MSN: variants seen among roughly 807,000 people sequenced by gnomAD.
The protein encoded by MSN is moesin.
Under a neutral mutation model 48.0 loss-of-function variants are expected in MSN, and 2 were observed. The observed-to-expected ratio is 0.04, with a 90% confidence interval of 0.02 to 0.13. The LOEUF is 0.13. MSN is among the 10% of genes least tolerant of loss of function. The probability of loss-of-function intolerance (pLI) is 1.00; values close to 1 mark genes in which losing one functional copy is unlikely to be tolerated. For missense variants in MSN, 267 were observed against 470.1 expected, an observed-to-expected ratio of 0.57 and a Z score of 3.99; for synonymous variants, 146 against 166.9, an observed-to-expected ratio of 0.87 and a Z score of 0.97.
At chrX:65,603,896 TCA>T (rs1310150391) in intron 1 of MSN, among the ~76,000 whole-genome samples, 1 of 112,085 alleles carries the variant, frequency 8.9e-6, no homozygotes, top group African/African-American at 3.3e-5. Context: ...AACGTGGTAG[TCA>T]CAGTCAAGAG....
chrX:65,711,505 C>A (rs954950560), intron 1 of MSN, among the ~76,000 whole-genome samples: 1 of 112,474 alleles, frequency 8.9e-6, no homozygotes, highest in African/African-American at 3.2e-5. Flanking sequence ...CCCTAACATA[C>A]ATATTTTTAT....
Position 65,680,852 on chromosome X carries a change from G to A in MSN, c.12+12999G>A, listed in dbSNP as rs1602786050. On this transcript the variant is annotated intron_variant, in intron 1 of 12. Transcript: ENST00000360270. ...CAACCTCCACCTCCTGGGTTCAAGC[G>A]ATTCTTGTGCCTCAGCCTCCCTAGC... 2.7e-5 allele frequency among the ~76,000 whole-genome samples: 3 copies of A among 111,233 alleles called. No homozygotes were observed. In the South Asian group the frequency reaches 1.1e-3, roughly 42 times the overall value.
At chrX:65,602,486 G>GCTCTCCAGCTCCA (rs111700081) in intron 1 of MSN, among the ~76,000 whole-genome samples, 15 of 108,594 alleles carry the variant, frequency 1.4e-4, no homozygotes, top group Non-Finnish European at 2.3e-4. Context: ...ATGGAGGAAT[G>GCTCTCCAGCTCCA]CTCTCCAGCT....
At chrX:65,696,377 G>C (rs964713432) in intron 1 of MSN, among the ~76,000 whole-genome samples, 2 of 111,735 alleles carry the variant, frequency 1.8e-5, no homozygotes, top group Admixed American at 9.5e-5. Flanking sequence ...ACCTGAGGTA[G>C]GTAAGAGGTA....
intron 1 of MSN, among the ~76,000 whole-genome samples, chrX:65,602,366 C>T (rs2070243035): frequency 8.9e-6 from 1 of 111,951 alleles, no homozygotes; most frequent in South Asian, 3.7e-4. Flanking sequence ...TTCAGGAACA[C>T]CCATCATTTC....
chrX:65,597,936 C>A (rs1209632750), intron 1 of MSN, among the ~76,000 whole-genome samples: 1 of 111,488 alleles, frequency 9.0e-6, no homozygotes, highest in Non-Finnish European at 1.9e-5. Context: ...GGGTAAAAGG[C>A]TGGAGGGTAG....
At chrX:65,640,412 G>T (rs1398140049) in intron 1 of MSN, among the ~76,000 whole-genome samples, 1 of 111,801 alleles carries the variant, frequency 8.9e-6, no homozygotes, top group Non-Finnish European at 1.9e-5. Context: ...GGGCATGGTG[G>T]CAGGCACATG....
At chrX:65,694,901 A>G (rs1379621654) in intron 1 of MSN, among the ~76,000 whole-genome samples, 2 of 111,932 alleles carry the variant, frequency 1.8e-5, no homozygotes, top group African/African-American at 6.5e-5. Context: ...GGGTGTGAAG[A>G]ATGGAGGATG....
intron 1 of MSN, among the ~76,000 whole-genome samples, chrX:65,605,151 A>G (rs2148352440): frequency 8.9e-6 from 1 of 112,423 alleles, no homozygotes; most frequent in African/African-American, 3.2e-5. Context: ...GTAAATTACC[A>G]TTTGGTAAAT....
exon 1 of MSN, chrX:65,588,454 G>C (rs968333369): frequency 7.6e-6 from 4 of 522,943 alleles, no homozygotes; most frequent in South Asian, 1.0e-4. Flanking sequence ...AGCACACCCT[G>C]GCCCTGGGGC....
intron 1 of MSN, among the ~76,000 whole-genome samples, chrX:65,615,546 G>A (rs2070362290): frequency 9.3e-6 from 1 of 107,363 alleles, no homozygotes; most frequent in South Asian, 4.1e-4. Context: ...ACTTTTTGAT[G>A]GGGTTGTTTG....
At chrX:65,738,930 GTCTCACTGACAGTCTTTC>G (rs1184920223) in intron 11 of MSN, 22 bp from the exon 12 acceptor site, 4 of 1,188,348 alleles carry the variant, frequency 3.4e-6, no homozygotes, top group Non-Finnish European at 4.6e-6. Context: ...AGTTTAACTG[GTCTCACTGACAGTCTTTC>G]TCTCCTTCTG....
At chrX:65,600,482 G>C (rs2070225793) in intron 1 of MSN, among the ~76,000 whole-genome samples, 1 of 111,963 alleles carries the variant, frequency 8.9e-6, no homozygotes, top group South Asian at 3.7e-4. Context: ...CTTCTAAATT[G>C]TGTTTGCTAA....
At chrX:65,648,902 T>C (rs867021668) in intron 1 of MSN, among the ~76,000 whole-genome samples, 1 of 106,105 alleles carries the variant, frequency 9.4e-6, no homozygotes, top group Non-Finnish European at 1.9e-5. Context: ...ATAAAATAAA[T>C]AAAATAAAAT....
At chrX:65,664,017 G>A (rs2070846398), upstream of MSN, among the ~76,000 whole-genome samples, 2 of 103,131 alleles carry the variant, frequency 1.9e-5, no homozygotes, top group Admixed American at 1.1e-4. Context: ...CCGAGATCAC[G>A]CCACTGCACT....
At position 65,739,028 on chromosome X, in the gene MSN, G is replaced by A; in HGVS notation, c.1403G>A (p.Ser468Asn). Reference protein sequence around the residue: ...KTRAELKTAMSTPHVAEPAEN... With the variant: ...KTRAELKTAMNTPHVAEPAEN... ...CGTGCTGAGCTGAAGACTGCCATGA[G>A]TACACCTCATGTGGCAGAGCCTGCT... Residue 468 changes from serine to asparagine, a missense_variant, in exon 12 of 13, where the codon AGT becomes AAT. Ser to Asn is a conservative substitution (Grantham distance 46). Coordinates refer to ENST00000360270, the MANE Select transcript of MSN (RefSeq NM_002444.3). 1 of 1,212,060 alleles carries A rather than the reference G, an allele frequency of 8.3e-7. No homozygotes were observed. The highest frequency in any genetic ancestry group is 1.1e-6 in the Non-Finnish European group (1 of 895,560).
intron 1 of MSN, among the ~76,000 whole-genome samples, chrX:65,602,481 G>A (rs1382367745): frequency 9.0e-6 from 1 of 110,744 alleles, no homozygotes; most frequent in African/African-American, 3.3e-5. Flanking sequence ...TAATTATGGA[G>A]GAATGCTCTC....
Position 65,726,153 on chromosome X carries a change from C to T in MSN, c.97-1661C>T, listed in dbSNP as rs755384072. Among the ~76,000 whole-genome samples, 272 of 111,250 alleles carry T rather than the reference C, an allele frequency of 2.4e-3. 15 individuals are homozygous for T. The highest frequency in any genetic ancestry group is 2.1e-3 in the Non-Finnish European group (114 of 53,043). ...TTGTCGCTTGGGTCTAGTGGGAATG[C>T]CAGGAAGCATATCTCGATGCAGAAG... On this transcript the variant is annotated intron_variant, in intron 2 of 12. Transcript: ENST00000360270.
chrX:65,641,558 A>G (rs2070652242), intron 1 of MSN, among the ~76,000 whole-genome samples: 1 of 20,142 alleles, frequency 5.0e-5, no homozygotes, highest in East Asian at 8.9e-4. Context: ...AAGTATATAT[A>G]TATATATATA....
Sources: gnomAD v4.1 joint callset for allele counts (sites outside exome capture counted in the v4.1 genomes callset) on GRCh38, gnomAD v4.1.1 for gene constraint, MANE v1.5 for transcripts, NCBI Gene and HGNC (gene_info 2026-07-23, HGNC 2026-07-21) for gene names.